ELF2: variants seen among roughly 807,000 people sequenced by gnomAD.
ELF2 encodes the protein ETS-related transcription factor Elf-2.
Under a neutral mutation model 54.8 loss-of-function variants are expected in ELF2, and 11 were observed. The ratio of observed to expected loss-of-function variants is 0.20; its 90% CI spans 0.13 to 0.33. ELF2 has a LOEUF of 0.33. Among genes scored for constraint, ELF2 ranks in the 10% least tolerant of loss-of-function variants. ELF2 has a pLI of 1.00. For synonymous variants in ELF2, 203 were observed against 245.1 expected (o/e 0.83, Z 1.61); for missense variants, 513 against 703.0 (o/e 0.73, Z 3.06).
chr4:139,115,589 A>AT (rs1735626874), intron 4 of ELF2, among the ~76,000 whole-genome samples: 1 of 151,908 alleles, frequency 6.6e-6, no homozygotes, highest in South Asian at 2.1e-4. Flanking sequence ...CACAGGCCTC[A>AT]TATTTTAATG....
chr4:139,071,360 C>T (rs1257549961), intron 6 of ELF2, among the ~76,000 whole-genome samples: 1 of 151,664 alleles, frequency 6.6e-6, no homozygotes, highest in African/African-American at 2.4e-5. Flanking sequence ...TAGGGTCTTG[C>T]TATGTTGCCC....
intron 1 of ELF2, 72 bp downstream of exon 1, chr4:139,176,895 T>C (rs894945485): frequency 1.3e-5 from 2 of 150,972 alleles, no homozygotes; most frequent in African/African-American, 4.9e-5. Context: ...GCGGCGGCAG[T>C]CGGGACAGCC....
chr4:139,141,502 A>G (rs527733933), intron 1 of ELF2, among the ~76,000 whole-genome samples: 1 of 152,346 alleles, frequency 6.6e-6, no homozygotes, highest in African/African-American at 2.4e-5. Flanking sequence ...TGTGTTGTAC[A>G]GTCAAGAGAG....
rs867102078 is a variant in ELF2 at position 139,115,462 on chromosome 4, C to T, written c.238+9702G>A. The T allele has an allele frequency of 6.3e-5, 60 of 946,402 alleles. No homozygotes were observed. In the African/African-American group the frequency reaches 6.4e-4, roughly 10 times the overall value. 58.6% of individuals were successfully genotyped at this position (946,402 alleles called of 1,614,324 possible). A position where few individuals can be genotyped will look rare whatever the true frequency, so the allele number is the denominator to read the frequency against. ...CCCCGGCTGGCTGGGGTTAGCTCGC[C>T]GCGGCGAGGGCAGCGGCGGGGGTGC... On this transcript the variant is annotated intron_variant, in intron 4 of 9. Coordinates refer to ENST00000686138, the MANE Select transcript of ELF2 (RefSeq NM_001331036.3).
At chr4:139,159,008 C>A (rs963914052) in intron 1 of ELF2, among the ~76,000 whole-genome samples, 13 of 152,108 alleles carry the variant, frequency 8.5e-5, no homozygotes, top group African/African-American at 3.1e-4. Flanking sequence ...AAGGCCGGTC[C>A]GTTATCGGAC....
At chr4:139,137,553 T>A in intron 3 of ELF2, 77 bp downstream of exon 3, 1 of 1,367,960 alleles carries the variant, frequency 7.3e-7, no homozygotes, top group Non-Finnish European at 1.0e-6. Flanking sequence ...TCAAATATGT[T>A]TCCTATTAAT....
At position 139,060,699 on chromosome 4, in the gene ELF2, G is replaced by C. The variant is rs371165886; in HGVS notation, c.807-25C>G. ...TCTGTAAGGGGAAAATGTACCAAAT[G>C]AATCAAGTATATTATTTCTTCACCC... On this transcript the variant is annotated intron_variant, in intron 8 of 9. Coordinates refer to ENST00000686138, the MANE Select transcript of ELF2 (RefSeq NM_001331036.3). 3.9e-5 allele frequency: 60 copies of C among 1,543,914 alleles called. No individual in the cohort carries two copies. The African/African-American group carries it at 6.3e-4, about 16-fold the overall frequency.
At chr4:139,075,794 G>T (rs573283886) in intron 4 of ELF2, among the ~76,000 whole-genome samples, 2 of 152,228 alleles carry the variant, frequency 1.3e-5, no homozygotes, top group East Asian at 3.9e-4. Context: ...AGCAATTCAA[G>T]AACAAATTTT....
rs1331025557 is a variant in ELF2 at position 139,177,063 on chromosome 4, C to G, written c.-348G>C. The G allele has an allele frequency of 6.6e-6, 1 of 152,324 alleles. No individual in the cohort carries two copies. Among genetic ancestry groups the G allele is most frequent in the African/African-American group, 2.4e-5 (1 of 41,440 alleles). 9.4% of individuals were successfully genotyped at this position (152,324 alleles called of 1,614,324 possible). On this transcript the variant is annotated 5_prime_UTR_variant, in exon 1 of 10. Coordinates refer to ENST00000686138, the MANE Select transcript of ELF2 (RefSeq NM_001331036.3). ...CCGTTGGCCGAGCGTCCGGAGGGAGCCGGGGCCTCCCCAGCAGCCCGAGCC... is the reference window on the plus strand; with the variant it reads ...CCGTTGGCCGAGCGTCCGGAGGGAGGCGGGGCCTCCCCAGCAGCCCGAGCC...
At chr4:139,159,130 G>A (rs766258495) in intron 1 of ELF2, among the ~76,000 whole-genome samples, 7 of 152,190 alleles carry the variant, frequency 4.6e-5, no homozygotes, top group Non-Finnish European at 8.8e-5. Flanking sequence ...TCCAGTGAAA[G>A]TGTCCACCTA....
Position 139,092,422 on chromosome 4 carries a change from AT to A in ELF2, c.239-18856del, listed in dbSNP as rs377395607. ...CATAACATAACATAACATACATAAC[AT>A]AACATAACATAACATAACATAACAT... On this transcript the variant is annotated intron_variant, in intron 4 of 9. Coordinates refer to ENST00000686138, the MANE Select transcript of ELF2 (RefSeq NM_001331036.3). Among the ~76,000 whole-genome samples the A allele has an allele frequency of 4.5e-3, 526 of 118,164 alleles. 13 individuals are homozygous for A. Among genetic ancestry groups the A allele is most frequent in the South Asian group, 0.015 (48 of 3,260 alleles). 77.5% of individuals were successfully genotyped at this position (118,164 alleles called of 152,430 possible). A position where few individuals can be genotyped will look rare whatever the true frequency, so the allele number is the denominator to read the frequency against.
At chr4:139,173,155 G>C (rs1355457369) in intron 1 of ELF2, among the ~76,000 whole-genome samples, 1 of 152,024 alleles carries the variant, frequency 6.6e-6, no homozygotes, top group African/African-American at 2.4e-5. Context: ...AGGCTGGAGG[G>C]AATTTTGGAG....
chr4:139,151,036 G>GAAAGAAAGAA (rs1739869431), intron 1 of ELF2, among the ~76,000 whole-genome samples: 1 of 30,110 alleles, frequency 3.3e-5, no homozygotes, highest in African/African-American at 7.9e-5. Context: ...AAAAAAAAAA[G>GAAAGAAAGAA]AAAGAAAGAA....
intron 3 of ELF2, among the ~76,000 whole-genome samples, chr4:139,129,833 G>A (rs1737308488): frequency 6.6e-6 from 1 of 152,030 alleles, no homozygotes; most frequent in African/African-American, 2.4e-5. Context: ...TGCATAAAAA[G>A]CATTAATGAC....
At chr4:139,094,504 G>A (rs966808791) in intron 4 of ELF2, among the ~76,000 whole-genome samples, 12 of 152,198 alleles carry the variant, frequency 7.9e-5, no homozygotes, top group Admixed American at 6.5e-5. Context: ...ATGTTTAAAA[G>A]GGGTACTCTG....
At chr4:139,177,841 G>A (rs1365364724), upstream of ELF2, among the ~76,000 whole-genome samples, 1 of 152,182 alleles carries the variant, frequency 6.6e-6, no homozygotes, top group Admixed American at 6.5e-5. Context: ...ACAGTTACAG[G>A]GGGGCGAGGT....
chr4:139,169,064 G>A (rs925369908), intron 1 of ELF2, among the ~76,000 whole-genome samples: 1 of 151,866 alleles, frequency 6.6e-6, no homozygotes, highest in Non-Finnish European at 1.5e-5. Context: ...AGCACTTTGG[G>A]AGGCCGAGAC....
chr4:139,058,741 T>G lies in ELF2; in HGVS notation c.*242A>C, dbSNP rs1056830927. The G allele has an allele frequency of 2.8e-5, 13 of 462,244 alleles. No individual in the cohort carries two copies. The highest frequency in any genetic ancestry group is 4.8e-5 in the Non-Finnish European group (13 of 269,062). 28.6% of individuals were successfully genotyped at this position (462,244 alleles called of 1,614,324 possible). ...CTGCTTGGTCCCTTTCGATCCTTTT[T>G]CTTATTGATGGGTTCAGTTGTTTCC... On this transcript the variant is annotated 3_prime_UTR_variant, in exon 10 of 10. Coordinates refer to ENST00000686138, the MANE Select transcript of ELF2 (RefSeq NM_001331036.3).
In ELF2 at chr4:139,107,011, G is replaced by A. The variant is rs182395505; in HGVS notation, c.238+18153C>T. Among the ~76,000 whole-genome samples, 10 of 152,112 alleles carry A rather than the reference G, an allele frequency of 6.6e-5. No homozygotes were observed. In the East Asian group the frequency reaches 1.7e-3, roughly 26 times the overall value. On this transcript the variant is annotated intron_variant, in intron 4 of 9. Transcript: ENST00000686138. ...TTCACCTGCTTCGGCCTCCCAAAGTGCTGGGATTACAGGCGTGTGCCACCA... is the reference window on the plus strand; with the variant it reads ...TTCACCTGCTTCGGCCTCCCAAAGTACTGGGATTACAGGCGTGTGCCACCA...
Sources: gnomAD v4.1 joint callset for allele counts (sites outside exome capture counted in the v4.1 genomes callset) on GRCh38, gnomAD v4.1.1 for gene constraint, MANE v1.5 for transcripts, NCBI Gene and HGNC (gene_info 2026-07-23, HGNC 2026-07-21) for gene names.